Variants in KRTAP9-7 observed in about 807,000 individuals in gnomAD.
KRTAP9-7 encodes the protein keratin associated protein 9-7, also known as keratin-associated protein 9-7.
For synonymous variants in KRTAP9-7, 68 were observed against 72.5 expected, an observed-to-expected ratio of 0.94 and a Z score of 0.32; for missense variants, 157 against 198.3, an observed-to-expected ratio of 0.79 and a Z score of 1.25.
exon 1 of KRTAP9-7, chr17:41,275,880 C>T (rs1240145840): frequency 3.1e-6 from 5 of 1,611,372 alleles, no homozygotes; most frequent in South Asian, 2.2e-5. Context: ...GGACCACCTG[C>T]TGCCAGCCCA....
At chr17:41,275,948 T>A (rs58678386) in exon 1 of KRTAP9-7, 2 of 1,611,980 alleles carry the variant, frequency 1.2e-6, no homozygotes, top group African/African-American at 1.3e-5. Flanking sequence ...TGCCAGCCCA[T>A]CTGCTGTGGG....
chr17:41,275,861 C>A, exon 1 of KRTAP9-7: 1 of 1,607,654 alleles, frequency 6.2e-7, no homozygotes, highest in South Asian at 1.1e-5. Context: ...TGTCAAAACA[C>A]CTGCTGCAGG....
At chr17:41,276,140 C>T in exon 1 of KRTAP9-7, 1 of 1,614,120 alleles carries the variant, frequency 6.2e-7, no homozygotes, top group Non-Finnish European at 8.5e-7. Flanking sequence ...TGTGAGACTA[C>T]CTGCTGCAGG....
the KRTAP9-7 span, chr17:41,276,163 C>T: frequency 6.8e-6 from 11 of 1,614,040 alleles, no homozygotes; most frequent in African/African-American, 1.2e-4. Flanking sequence ...CACTTGCTTC[C>T]AGCCCACCTG....
At chr17:41,276,127 T>C in exon 1 of KRTAP9-7, 2 of 1,613,802 alleles carry the variant, frequency 1.2e-6, no homozygotes, top group Non-Finnish European at 1.7e-6. Context: ...CCGCCCAGCC[T>C]GCTGTGAGAC....
At chr17:41,275,838 C>T (rs765717605) in exon 1 of KRTAP9-7, 6 of 1,596,594 alleles carry the variant, frequency 3.8e-6, no homozygotes, top group Non-Finnish European at 3.4e-6. Flanking sequence ...AGCCTTGCTG[C>T]CACCCAACTT....
rs548550751 is a variant in KRTAP9-7 at position 41,276,022 on chromosome 17, A to G, written c.325A>G (p.Ile109Val). The G allele has an allele frequency of 4.7e-5, 76 of 1,613,276 alleles. No individual in the cohort carries two copies. In the East Asian group the frequency reaches 1.5e-3, roughly 33 times the overall value. Residue 109 changes from isoleucine (I) to valine (V), a missense_variant, in exon 1 of 1, where the codon ATC becomes GTC. By Grantham distance (29) the Ile-to-Val change is conservative. Transcript: ENST00000391354. Reference sequence around the variant, plus strand: ...CTGCCAGCCCAGCTCCTGTGCACCCATCTACTGCAGGAGAACCTGCTACCA... The same window carrying G: ...CTGCCAGCCCAGCTCCTGTGCACCCGTCTACTGCAGGAGAACCTGCTACCA...
exon 1 of KRTAP9-7, chr17:41,275,914 C>A (rs773996477): frequency 1.8e-5 from 29 of 1,611,690 alleles, no homozygotes; most frequent in Non-Finnish European, 2.5e-5. Flanking sequence ...CTGCTGCCAG[C>A]CTTCCTGCTG....
the KRTAP9-7 span, chr17:41,276,090 T>A: frequency 6.2e-7 from 1 of 1,613,206 alleles, no homozygotes; most frequent in Non-Finnish European, 8.5e-7. Context: ...ACCAGAGCTG[T>A]GGCTCCAGCT....
At chr17:41,275,820 C>G (rs773385046) in exon 1 of KRTAP9-7, 1 of 1,587,030 alleles carries the variant, frequency 6.3e-7, no homozygotes, top group African/African-American at 1.4e-5. Context: ...GTGTGTCCAG[C>G]TGCTGCCAGC....
exon 1 of KRTAP9-7, chr17:41,276,053 C>A (rs772585216): frequency 1.9e-6 from 3 of 1,613,522 alleles, no homozygotes; most frequent in South Asian, 1.1e-5. Context: ...TACCACCCCA[C>A]GAGTGTCTAC....
In KRTAP9-7 at chr17:41,275,788, C is replaced by T. The variant is rs57771667; in HGVS notation, c.91C>T (p.Pro31Ser). 4.1e-3 allele frequency: 6,301 copies of T among 1,537,916 alleles called. 411 individuals carry two copies. The African/African-American group carries it at 0.084, about 21-fold the overall frequency. The change falls in exon 1 of 1, where the codon CCC becomes TCC. Residue 31 changes from proline (P) to serine (S), a missense_variant. Coordinates refer to ENST00000391354, the Ensembl canonical transcript of KRTAP9-7. Reference sequence around the variant, plus strand: ...CACTGTGACCACCTGCAGCAGCACACCCTGCTGCCAGCCCTCCTGCTGTGT... The same window carrying T: ...CACTGTGACCACCTGCAGCAGCACATCCTGCTGCCAGCCCTCCTGCTGTGT...
chr17:41,276,170 C>T, exon 1 of KRTAP9-7: 1 of 1,614,128 alleles, frequency 6.2e-7, no homozygotes, highest in Non-Finnish European at 8.5e-7. Flanking sequence ...TTCCAGCCCA[C>T]CTGTGTGACC....
chr17:41,276,153 C>G, exon 1 of KRTAP9-7: 1 of 1,614,196 alleles, frequency 6.2e-7, no homozygotes, highest in Non-Finnish European at 8.5e-7. Flanking sequence ...GCTGCAGGAC[C>G]ACTTGCTTCC....
chr17:41,275,772 C>A, exon 1 of KRTAP9-7: 2 of 1,477,214 alleles, frequency 1.4e-6, no homozygotes, highest in Non-Finnish European at 9.0e-7. Context: ...CCACTGTGAC[C>A]ACCTGCAGCA....
At chr17:41,275,961 C>A in exon 1 of KRTAP9-7, 2 of 1,613,218 alleles carry the variant, frequency 1.2e-6, no homozygotes, top group Non-Finnish European at 1.7e-6. Flanking sequence ...GCTGTGGGTC[C>A]AGCTGCTGTG....
Position 41,275,735 on chromosome 17 carries a change from G to A in KRTAP9-7, c.38G>A (p.Cys13Tyr), listed in dbSNP as rs1598059668. The A allele has an allele frequency of 5.4e-6, 4 of 746,752 alleles. 1 individual carries two copies. In the South Asian group the frequency reaches 1.3e-4, roughly 24 times the overall value. The allele number at this position is 746,752 out of a possible 1,614,324, so 46.3% of individuals were successfully genotyped here. Reference sequence around the variant, plus strand: ...TGCTCCCCTTGCTGTCAGCCTACCTGCTGCAGGACCACCTGCTGGAAGCCC... The same window carrying A: ...TGCTCCCCTTGCTGTCAGCCTACCTACTGCAGGACCACCTGCTGGAAGCCC... Residue 13 changes from cysteine to tyrosine, a missense_variant, in exon 1 of 1, where the codon TGC becomes TAC. Cys to Tyr is a radical substitution (Grantham distance 194). Coordinates refer to ENST00000391354, the Ensembl canonical transcript of KRTAP9-7.
In KRTAP9-7 at chr17:41,275,963, G is replaced by A. The variant is rs546757416; in HGVS notation, c.266G>A (p.Ser89Asn). 199 of 1,613,006 alleles carry A rather than the reference G, an allele frequency of 1.2e-4. 4 individuals carry two copies. In the South Asian group the frequency reaches 2.1e-3, roughly 17 times the overall value. The stretch of plus-strand genomic sequence containing the variant: ...TGCCAGCCCATCTGCTGTGGGTCCA[G>A]CTGCTGTGGCCAAACCAGCTGTGGG... The change falls in exon 1 of 1, where the codon AGC becomes AAC. Residue 89 changes from serine (S) to asparagine (N), a missense_variant. Physicochemically the swap from Ser to Asn is conservative, Grantham distance 46. Coordinates refer to ENST00000391354, the Ensembl canonical transcript of KRTAP9-7.
exon 1 of KRTAP9-7, chr17:41,275,979 C>A (rs529906530): frequency 1.2e-6 from 2 of 1,613,698 alleles, no homozygotes; most frequent in Non-Finnish European, 1.7e-6. Context: ...GTGGCCAAAC[C>A]AGCTGTGGGT....
Sources: allele counts gnomAD v4.1 joint callset, GRCh38; gene constraint gnomAD v4.1.1; transcripts MANE v1.5; gene names NCBI Gene and HGNC (gene_info 2026-07-23, HGNC 2026-07-21).